The following MSH3 variants were observed in gnomAD, a reference collection of about 807,000 sequenced individuals.
MSH3 encodes DNA mismatch repair protein Msh3.
Under a neutral mutation model 123.3 loss-of-function variants are expected in MSH3, and 106 were observed. That is an observed-to-expected ratio of 0.86 (90% CI 0.73 to 1.01). The LOEUF is 1.01. Ranked by LOEUF, MSH3 falls within the 50% of genes least tolerant of loss-of-function variation. The pLI is 0.00. For missense variants in MSH3, 1,459 were observed against 1,347.6 expected (o/e 1.08, Z -1.29); for synonymous variants, 515 against 481.4 (o/e 1.07, Z -0.91).
chr5:80,832,672 G>A (rs766450598), intron 20 of MSH3, among the ~76,000 whole-genome samples: 16 of 151,568 alleles, frequency 1.1e-4, no homozygotes, highest in Non-Finnish European at 2.4e-4. Context: ...CAACATTGTG[G>A]ATGTTAATAC....
chr5:80,655,899 T>C (rs1749272409), intron 1 of MSH3, among the ~76,000 whole-genome samples: 1 of 152,242 alleles, frequency 6.6e-6, no homozygotes, highest in South Asian at 2.1e-4. Flanking sequence ...TGTATGCTTT[T>C]GGCAAGTTTT....
chr5:80,786,004 AG>A (rs36170505), intron 17 of MSH3, among the ~76,000 whole-genome samples: 1 of 32,220 alleles, frequency 3.1e-5, no homozygotes, highest in Non-Finnish European at 6.2e-5. Context: ...GGTGGGGGGA[AG>A]GGGGGAGGGA....
rs145196659 is a variant in MSH3 at position 80,721,712 on chromosome 5, G to T, written c.1341-3741G>T. The stretch of plus-strand genomic sequence containing the variant: ...GTTATTAAAGTCTCTTTTTATGGCA[G>T]GATTTAGGGAGACTGAAAAACTATG... On this transcript the variant is annotated intron_variant, in intron 8 of 23. Transcript: ENST00000265081. Among the ~76,000 whole-genome samples the T allele has an allele frequency of 3.8e-3, 581 of 152,102 alleles. 4 individuals carry two copies. The highest frequency in any genetic ancestry group is 0.013 in the African/African-American group (542 of 41,470).
At chr5:80,672,471 T>C in intron 5 of MSH3, 111 bp downstream of exon 5, 3 of 826,100 alleles carry the variant, frequency 3.6e-6, no homozygotes, top group Non-Finnish European at 6.2e-6. Context: ...GAATTTTGCA[T>C]TTTACAGAAC....
chr5:80,725,669 T>C, intron 9 of MSH3, 104 bp downstream of exon 9: 1 of 803,568 alleles, frequency 1.2e-6, no homozygotes, highest in Non-Finnish European at 2.1e-6. Context: ...TTATTATAAA[T>C]ATGTGGGAGA....
At chr5:80,843,242 C>T (rs983570077) in intron 20 of MSH3, among the ~76,000 whole-genome samples, 3 of 152,154 alleles carry the variant, frequency 2.0e-5, no homozygotes, top group African/African-American at 4.8e-5. Context: ...CCTTGCATCC[C>T]ATAGATGAAG....
intron 8 of MSH3, among the ~76,000 whole-genome samples, chr5:80,691,058 A>G (rs1286189907): frequency 1.3e-5 from 2 of 151,952 alleles, no homozygotes; most frequent in Non-Finnish European, 2.9e-5. Context: ...TTATATATAC[A>G]TTCTTATTAC....
chr5:80,692,220 GTTTAGATAGATAAACATGTATATGT>G (rs1561444678), intron 8 of MSH3, among the ~76,000 whole-genome samples: 4 of 93,902 alleles, frequency 4.3e-5, no homozygotes, highest in Non-Finnish European at 8.5e-5. Flanking sequence ...ACATGTATAT[GTTTAGATAGATAAACATGTATATGT>G]TTAGATAGAT....
chr5:80,757,733 T>C (rs1443219440), intron 12 of MSH3, among the ~76,000 whole-genome samples: 1 of 152,178 alleles, frequency 6.6e-6, no homozygotes, highest in Non-Finnish European at 1.5e-5. Flanking sequence ...CTTCCAGTTT[T>C]GTTTCCTGTT....
intron 8 of MSH3, among the ~76,000 whole-genome samples, chr5:80,718,458 C>A (rs980398975): frequency 6.6e-6 from 1 of 151,278 alleles, no homozygotes; most frequent in Non-Finnish European, 1.5e-5. Flanking sequence ...TCTACAGGTT[C>A]CCTCTCCATC....
rs757219540 is a variant in MSH3, at chr5:80,864,835, T to C, written c.3023T>C (p.Val1008Ala). The C allele has an allele frequency of 3.7e-6, 6 of 1,612,338 alleles. No individual in the cohort carries two copies. Among genetic ancestry groups the C allele is most frequent in the African/African-American group, 1.3e-5 (1 of 74,906 alleles). The change falls in exon 22 of 24, where the codon GTC becomes GCC. Residue 1008 changes from valine (V) to alanine (A), a missense_variant. Coordinates refer to ENST00000265081, the MANE Select transcript of MSH3 (RefSeq NM_002439.5). ...TAGGTGAAATCCTTAACCCTGTTTG[T>C]CACCCATTATCCGCCAGTTTGTGAA... ...IRDVKSLTLF[V>A]THYPPVCELE...
At chr5:80,796,618 A>T (rs912630175) in intron 19 of MSH3, among the ~76,000 whole-genome samples, 4 of 152,176 alleles carry the variant, frequency 2.6e-5, no homozygotes, top group Admixed American at 2.0e-4. Flanking sequence ...GTTGTTTTTG[A>T]TAATCATGTG....
chr5:80,699,635 T>A (rs2112836958), intron 8 of MSH3, among the ~76,000 whole-genome samples: 1 of 152,156 alleles, frequency 6.6e-6, no homozygotes, highest in South Asian at 2.1e-4. Context: ...AATCAATGTC[T>A]ATTTACATTA....
rs530827133 is a variant in MSH3, at chr5:80,708,055, A to G, written c.1341-17398A>G. 1.4e-4 allele frequency among the ~76,000 whole-genome samples: 21 copies of G among 152,252 alleles called. No individual in the cohort carries two copies. In the South Asian group the frequency reaches 4.4e-3, roughly 32 times the overall value. ...TCTGAATAAAAATCCTTTGTCAGTT[A>G]TAGGTATTGTGAATATTTACTCCCA... On this transcript the variant is annotated intron_variant, in intron 8 of 23. Transcript: ENST00000265081.
chr5:80,847,187 G>T (rs1283704768), intron 20 of MSH3, among the ~76,000 whole-genome samples: 1 of 152,028 alleles, frequency 6.6e-6, no homozygotes, highest in Non-Finnish European at 1.5e-5. Context: ...AGCCTCCTGA[G>T]TAGCTGGGAT....
intron 8 of MSH3, among the ~76,000 whole-genome samples, chr5:80,692,222 T>TAGA (rs1327608157): frequency 4.0e-4 from 20 of 50,072 alleles, no homozygotes; most frequent in Non-Finnish European, 6.9e-4. Flanking sequence ...ATGTATATGT[T>TAGA]TAGATAGATA....
intron 15 of MSH3, 111 bp downstream of exon 15, chr5:80,769,114 C>T: frequency 2.1e-6 from 2 of 973,756 alleles, no homozygotes; most frequent in Non-Finnish European, 3.1e-6. Flanking sequence ...TTCAAATTTT[C>T]TGTTTTATTC....
At chr5:80,759,948 T>C (rs1309573749) in intron 12 of MSH3, among the ~76,000 whole-genome samples, 2 of 152,094 alleles carry the variant, frequency 1.3e-5, no homozygotes, top group Admixed American at 6.6e-5. Context: ...GGAACAAAAA[T>C]GAGGCCTGAA....
intron 8 of MSH3, among the ~76,000 whole-genome samples, chr5:80,696,175 T>C (rs1750474790): frequency 6.6e-6 from 1 of 152,154 alleles, no homozygotes; most frequent in Non-Finnish European, 1.5e-5. Flanking sequence ...TACTGCCTAG[T>C]GGGTGTGGAA....
Sources: allele counts gnomAD v4.1 joint callset (sites outside exome capture counted in the v4.1 genomes callset), GRCh38; gene constraint gnomAD v4.1.1; transcripts MANE v1.5; gene names NCBI Gene and HGNC (gene_info 2026-07-23, HGNC 2026-07-21).